The following ADAMTSL1 variants were observed in gnomAD, a reference collection of about 807,000 sequenced individuals.
ADAMTSL1 encodes ADAMTS like 1.
A neutral mutation model predicts 201.8 loss-of-function variants in ADAMTSL1; 126 were observed. That is an observed-to-expected ratio of 0.62 (90% CI 0.54 to 0.72). The LOEUF is 0.72. Ranked by LOEUF, ADAMTSL1 falls within the 30% of genes least tolerant of loss-of-function variation. The pLI is 0.00. For missense variants in ADAMTSL1, 2,679 were observed against 2,277.8 expected (o/e 1.18, Z -3.59); for synonymous variants, 1,121 against 903.4 (o/e 1.24, Z -4.32).
intron 23 of ADAMTSL1, among the ~76,000 whole-genome samples, chr9:18,883,841 A>G (rs61458521): frequency 0.081 from 12,365 of 152,224 alleles, 682 homozygotes; most frequent in East Asian, 0.15. Context: ...AGTGGTTTAA[A>G]TCTTTTGGGT....
intron 2 of ADAMTSL1, among the ~76,000 whole-genome samples, chr9:18,440,218 C>T (rs1819936772): frequency 6.6e-6 from 1 of 152,128 alleles, no homozygotes; most frequent in Non-Finnish European, 1.5e-5. Flanking sequence ...AAACACCTTG[C>T]ATCCTGGGAA....
chr9:18,718,998 A>T (rs182986458), intron 14 of ADAMTSL1, among the ~76,000 whole-genome samples: 1 of 152,366 alleles, frequency 6.6e-6, no homozygotes, highest in East Asian at 1.9e-4. Context: ...TGGGATAGAA[A>T]GCTACATCCA....
intron 23 of ADAMTSL1, among the ~76,000 whole-genome samples, chr9:18,852,174 C>T (rs866485814): frequency 6.6e-6 from 1 of 152,176 alleles, no homozygotes; most frequent in Non-Finnish European, 1.5e-5. Context: ...TGGGAGCAGC[C>T]TCCGGAGCCA....
intron 2 of ADAMTSL1, among the ~76,000 whole-genome samples, chr9:18,287,577 A>G (rs1044869873): frequency 1.7e-4 from 25 of 145,670 alleles, no homozygotes; most frequent in Middle Eastern, 3.6e-3. Flanking sequence ...ATATATGTAA[A>G]TATATGTGTA....
chr9:18,232,689 A>G (rs1397850336), intron 2 of ADAMTSL1, among the ~76,000 whole-genome samples: 2 of 152,116 alleles, frequency 1.3e-5, no homozygotes, highest in Non-Finnish European at 2.9e-5. Flanking sequence ...TCTGCTCTGA[A>G]TCATTCTGAC....
At chr9:18,380,438 GTATATTTTACATAGATAC>G (rs1378028192) in intron 2 of ADAMTSL1, among the ~76,000 whole-genome samples, 1 of 152,122 alleles carries the variant, frequency 6.6e-6, no homozygotes, top group Admixed American at 6.6e-5. Context: ...TAAGGAATAG[GTATATTTTACATAGATAC>G]TATACAGCAA....
chr9:18,169,087 C>A (rs1351075017), intron 2 of ADAMTSL1, among the ~76,000 whole-genome samples: 2 of 129,076 alleles, frequency 1.5e-5, no homozygotes, highest in Non-Finnish European at 3.4e-5. Flanking sequence ...CCTGTTCACT[C>A]TGATGGTAGT....
chr9:18,738,551 G>C (rs1309620964), intron 15 of ADAMTSL1, among the ~76,000 whole-genome samples: 1 of 152,064 alleles, frequency 6.6e-6, no homozygotes, highest in Non-Finnish European at 1.5e-5. Flanking sequence ...CACTCTCCAT[G>C]TTTTTTTGCA....
chr9:17,926,454 A>AT (rs1217244766), intron 1 of ADAMTSL1, among the ~76,000 whole-genome samples: 1 of 152,142 alleles, frequency 6.6e-6, no homozygotes, highest in Non-Finnish European at 1.5e-5. Context: ...CGTACTCAGG[A>AT]ATCCATGCTG....
At chr9:18,527,335 A>C (rs897032805) in intron 2 of ADAMTSL1, among the ~76,000 whole-genome samples, 2 of 152,212 alleles carry the variant, frequency 1.3e-5, no homozygotes, top group African/African-American at 4.8e-5. Context: ...AAAAACCCAG[A>C]AGTGTTAAAT....
rs568089007 is a variant in ADAMTSL1, at chr9:18,843,196, T to C, written c.4249+13219T>C. ...ACCGGTTGTTCCTTTCCATGTTTAG[T>C]GCTTCCTTCAGGAGCTCTTTTAGGG... On this transcript the variant is annotated intron_variant, in intron 23 of 28. Coordinates refer to ENST00000380548, the MANE Select transcript of ADAMTSL1 (RefSeq NM_001040272.6). Among the ~76,000 whole-genome samples, 181 of 150,968 alleles carry C rather than the reference T, an allele frequency of 1.2e-3. 17 individuals are homozygous for C. The highest frequency in any genetic ancestry group is 4.0e-3 in the African/African-American group (163 of 40,318).
At chr9:18,105,552 G>GA (rs1163245783) in intron 1 of ADAMTSL1, among the ~76,000 whole-genome samples, 2 of 152,016 alleles carry the variant, frequency 1.3e-5, no homozygotes, top group Non-Finnish European at 2.9e-5. Flanking sequence ...GGCCTAGAGG[G>GA]AAAAATAGGG....
chr9:18,669,883 T>C (rs1331885570), intron 9 of ADAMTSL1, among the ~76,000 whole-genome samples: 1 of 152,212 alleles, frequency 6.6e-6, no homozygotes, highest in Admixed American at 6.5e-5. Flanking sequence ...CAAGGTTACA[T>C]AGAAAGAAAG....
chr9:18,435,263 T>C (rs1293240602), intron 2 of ADAMTSL1, among the ~76,000 whole-genome samples: 3 of 152,366 alleles, frequency 2.0e-5, no homozygotes, highest in East Asian at 1.9e-4. Context: ...TCTGTCACTA[T>C]AGAATTTATA....
chr9:18,661,809 T>G, intron 8 of ADAMTSL1, 126 bp from the exon 9 acceptor site: 2 of 1,054,948 alleles, frequency 1.9e-6, no homozygotes, highest in Non-Finnish European at 2.6e-6. Context: ...TTATGTGTCT[T>G]TTTTCCTGGA....
intron 8 of ADAMTSL1, 87 bp downstream of exon 8, chr9:18,657,837 A>G: frequency 8.7e-7 from 1 of 1,143,858 alleles, no homozygotes; most frequent in South Asian, 1.3e-5. Flanking sequence ...TCAGCATGGA[A>G]GAAATTTTGT....
intron 1 of ADAMTSL1, among the ~76,000 whole-genome samples, chr9:18,002,623 TG>T (rs1383264950): frequency 6.6e-6 from 1 of 152,048 alleles, no homozygotes; most frequent in Non-Finnish European, 1.5e-5. Context: ...TTATCAGCTT[TG>T]ATGAGTTTGG....
chr9:18,475,450 T>G (rs1821400972), intron 1 of ADAMTSL1, among the ~76,000 whole-genome samples: 1 of 152,216 alleles, frequency 6.6e-6, no homozygotes. Flanking sequence ...GATTCAATAT[T>G]TTATACATTC....
At chr9:18,157,766 A>G (rs1322577738) in intron 1 of ADAMTSL1, among the ~76,000 whole-genome samples, 2 of 152,052 alleles carry the variant, frequency 1.3e-5, no homozygotes, top group Non-Finnish European at 2.9e-5. Flanking sequence ...TATGGTTATA[A>G]GAATGCTTTT....
Sources: allele counts gnomAD v4.1 joint callset (sites outside exome capture counted in the v4.1 genomes callset), GRCh38; gene constraint gnomAD v4.1.1; transcripts MANE v1.5; gene names NCBI Gene and HGNC (gene_info 2026-07-23, HGNC 2026-07-21).